Variants in TSPEAR observed in about 807,000 individuals in gnomAD.
TSPEAR encodes thrombospondin type laminin G domain and EAR repeats, also known as thrombospondin-type laminin G domain and EAR repeat-containing protein.
In TSPEAR, 69 loss-of-function variants were observed where a neutral mutation model predicts 71.6. That is an observed-to-expected ratio of 0.96 (90% CI 0.79 to 1.18). The LOEUF (loss-of-function observed/expected upper bound fraction) is 1.18, where lower values mean the gene tolerates loss of function less well. Ranked by LOEUF, TSPEAR falls within the 50% of genes most tolerant of loss-of-function variation. The pLI is 0.00. For missense variants in TSPEAR, 971 were observed against 894.9 expected (o/e 1.09, Z -1.09); for synonymous variants, 402 against 387.2 (o/e 1.04, Z -0.45).
At position 44,527,228 on chromosome 21, in the gene TSPEAR, C is replaced by T. The variant is rs79139568; in HGVS notation, c.1149+64G>A. ...CCTGCAGAATCAGTGTAGGGGGCCC[C>T]GCCTGTGGACTCGGGGCTTTCCAAG... On this transcript the variant is annotated intron_variant, in intron 7 of 11. Coordinates refer to ENST00000323084, the MANE Select transcript of TSPEAR (RefSeq NM_144991.3). 4.6e-3 allele frequency: 7,209 copies of T among 1,576,120 alleles called. 157 individuals are homozygous for T. The African/African-American group carries it at 0.061, about 13-fold the overall frequency.
chr21:44,537,823 C>T (rs2053114600), intron 2 of TSPEAR, among the ~76,000 whole-genome samples: 1 of 152,132 alleles, frequency 6.6e-6, no homozygotes, highest in Non-Finnish European at 1.5e-5. Flanking sequence ...CACACATAGC[C>T]TGATAAGAAA....
chr21:44,652,767 T>A (rs1384546784), intron 1 of TSPEAR, among the ~76,000 whole-genome samples: 1 of 152,158 alleles, frequency 6.6e-6, no homozygotes, highest in South Asian at 2.1e-4. Flanking sequence ...TGACTACATA[T>A]CATGGCCCAT....
Position 44,567,888 on chromosome 21 carries a change from C to G in TSPEAR, c.200G>C (p.Arg67Pro). 1 of 1,607,536 alleles carries G rather than the reference C, an allele frequency of 6.2e-7. No individual in the cohort carries two copies. The highest frequency in any genetic ancestry group is 1.1e-5 in the South Asian group (1 of 90,060). ...RGLQLSVAAP[R>P]TMSFPASRIF... is the part of the protein sequence containing the mutation. ...CCTGGATGCTGGGAAGCTCATGGTGCGGGGGGCGGCTACTGAGAGCTGGAG... is the reference window on the plus strand; with the variant it reads ...CCTGGATGCTGGGAAGCTCATGGTGGGGGGGGCGGCTACTGAGAGCTGGAG... Residue 67 changes from arginine (R) to proline (P), a missense_variant, in exon 2 of 12, where the codon CGC becomes CCC. Arg to Pro is a moderately radical substitution (Grantham distance 103). Coordinates refer to ENST00000323084, the MANE Select transcript of TSPEAR (RefSeq NM_144991.3).
intron 1 of TSPEAR, among the ~76,000 whole-genome samples, chr21:44,648,936 G>T (rs2146245148): frequency 6.6e-6 from 1 of 152,360 alleles, no homozygotes; most frequent in Admixed American, 6.5e-5. Flanking sequence ...CCCCTCCCTT[G>T]TGAACGTGCG....
intron 1 of TSPEAR, chr21:44,600,485 T>C (rs1276788687): frequency 2.3e-5 from 23 of 1,019,634 alleles, no homozygotes; most frequent in Non-Finnish European, 3.2e-5. Flanking sequence ...GGGGCAGGAG[T>C]TGTTGACACT....
At chr21:44,574,491 G>A (rs1555923426) in intron 1 of TSPEAR, 3 of 1,606,922 alleles carry the variant, frequency 1.9e-6, no homozygotes, top group Non-Finnish European at 2.5e-6. Flanking sequence ...TGTGTGCTCT[G>A]AGGATTCCTC....
At chr21:44,522,742 C>T (rs2052760593) in intron 8 of TSPEAR, among the ~76,000 whole-genome samples, 1 of 152,250 alleles carries the variant, frequency 6.6e-6, no homozygotes, top group Non-Finnish European at 1.5e-5. Flanking sequence ...TCTGCTGGCA[C>T]AAGGCGGGAC....
At chr21:44,585,981 C>T (rs1427183752) in intron 1 of TSPEAR, among the ~76,000 whole-genome samples, 2 of 152,220 alleles carry the variant, frequency 1.3e-5, no homozygotes, top group Non-Finnish European at 2.9e-5. Context: ...AGGGTGGGGC[C>T]TTGTCTGCCG....
chr21:44,662,140 T>G (rs948151476), intron 1 of TSPEAR, among the ~76,000 whole-genome samples: 26 of 152,192 alleles, frequency 1.7e-4, no homozygotes, highest in African/African-American at 6.3e-4. Context: ...GCAAATTAAT[T>G]TATTAAATTA....
chr21:44,672,144 C>T (rs1161916935), intron 1 of TSPEAR, among the ~76,000 whole-genome samples: 1 of 151,952 alleles, frequency 6.6e-6, no homozygotes, highest in Admixed American at 6.5e-5. Flanking sequence ...TTTGAAACAA[C>T]TCAGTCAGAC....
chr21:44,584,550 A>G (rs1555925495), intron 1 of TSPEAR, among the ~76,000 whole-genome samples: 3 of 152,230 alleles, frequency 2.0e-5, no homozygotes, highest in Admixed American at 1.3e-4. Flanking sequence ...TCTTTAACAT[A>G]GGCACATAGA....
chr21:44,540,044 C>A, intron 2 of TSPEAR: 1 of 1,611,390 alleles, frequency 6.2e-7, no homozygotes. Flanking sequence ...CGGGGCGCAG[C>A]AGCTGAGGGC....
chr21:44,600,535 A>C, intron 1 of TSPEAR: 1 of 1,460,024 alleles, frequency 6.8e-7, no homozygotes, highest in Non-Finnish European at 9.2e-7. Flanking sequence ...ATAAAAGCCA[A>C]CATCCCTGAG....
intron 2 of TSPEAR, among the ~76,000 whole-genome samples, chr21:44,559,294 C>A (rs926688652): frequency 6.6e-6 from 1 of 152,188 alleles, no homozygotes; most frequent in African/African-American, 2.4e-5. Context: ...CAGTGGGAAC[C>A]ATGGGGCATA....
At chr21:44,575,035 G>GC (rs35730314) in intron 1 of TSPEAR, 8 of 1,578,366 alleles carry the variant, frequency 5.1e-6, no homozygotes, top group South Asian at 2.4e-5. Context: ...TGATGGACAC[G>GC]CCCCCCAGTG....
intron 1 of TSPEAR, chr21:44,647,772 A>G (rs1452849770): frequency 4.2e-6 from 1 of 236,734 alleles, no homozygotes; most frequent in Non-Finnish European, 8.4e-6. Flanking sequence ...CCGAGATCAA[A>G]CACTTGGAAG....
intron 1 of TSPEAR, among the ~76,000 whole-genome samples, chr21:44,707,636 G>A (rs1361526632): frequency 6.6e-6 from 1 of 152,134 alleles, no homozygotes; most frequent in African/African-American, 2.4e-5. Context: ...TTTTATAAAA[G>A]GAAAGGCGTG....
At chr21:44,558,895 T>C in intron 2 of TSPEAR, 1 of 802,370 alleles carries the variant, frequency 1.2e-6, no homozygotes, top group Non-Finnish European at 2.0e-6. Flanking sequence ...GTTGTTGTTG[T>C]AGGCACTGTT....
At chr21:44,523,997 GTCAGTCAGGTAGTTAGTCA>G (rs1327440414) in intron 8 of TSPEAR, among the ~76,000 whole-genome samples, 60 of 151,722 alleles carry the variant, frequency 4.0e-4, no homozygotes, top group South Asian at 2.1e-3. Context: ...CAGTCAGGTA[GTCAGTCAGGTAGTTAGTCA>G]TCAGTCAGGT....
Sources: gnomAD v4.1 joint callset for allele counts (sites outside exome capture counted in the v4.1 genomes callset) on GRCh38, gnomAD v4.1.1 for gene constraint, MANE v1.5 for transcripts, NCBI Gene and HGNC (gene_info 2026-07-23, HGNC 2026-07-21) for gene names.